The following DSCAM variants were observed in gnomAD, a reference collection of about 807,000 sequenced individuals.
The protein encoded by DSCAM is cell adhesion molecule DSCAM.
Under a neutral mutation model 217.7 loss-of-function variants are expected in DSCAM, and 47 were observed. The ratio of observed to expected loss-of-function variants is 0.22; its 90% CI spans 0.17 to 0.28. DSCAM has a LOEUF of 0.28. Among genes scored for constraint, DSCAM ranks in the 10% least tolerant of loss-of-function variants. DSCAM has a pLI of 1.00. For missense variants in DSCAM, 2,080 were observed against 2,618.3 expected, an observed-to-expected ratio of 0.79 and a Z score of 4.49; for synonymous variants, 1,056 against 1,015.3, an observed-to-expected ratio of 1.04 and a Z score of -0.76.
Position 40,132,332 on chromosome 21 carries a change from G to A in DSCAM, c.3562+1522C>T, listed in dbSNP as rs552164190. 6.6e-5 allele frequency among the ~76,000 whole-genome samples: 10 copies of A among 152,224 alleles called. No individual in the cohort carries two copies. In the East Asian group the frequency reaches 1.5e-3, roughly 24 times the overall value. ...TTAGGTAAGGTGCCCAAAGACCCAC[G>A]GGCAGCAGGTGACAGAGCCAGCATT... On this transcript the variant is annotated intron_variant, in intron 19 of 32. Coordinates refer to ENST00000400454, the MANE Select transcript of DSCAM (RefSeq NM_001389.5).
chr21:40,494,954 T>C (rs532347793), intron 3 of DSCAM, among the ~76,000 whole-genome samples: 23 of 150,884 alleles, frequency 1.5e-4, no homozygotes, highest in Non-Finnish European at 2.8e-4. Context: ...AAAAAGCTAA[T>C]ATGAACAGTT....
At chr21:40,620,232 A>AAGAAAGAG (rs1188281760) in intron 3 of DSCAM, among the ~76,000 whole-genome samples, 1 of 109,244 alleles carries the variant, frequency 9.2e-6, no homozygotes, top group Admixed American at 8.4e-5. Context: ...AAGAAAAAGA[A>AAGAAAGAG]AGAAAGAGAG....
chr21:40,254,198 A>G (rs2073341460), intron 11 of DSCAM, among the ~76,000 whole-genome samples: 1 of 152,238 alleles, frequency 6.6e-6, no homozygotes, highest in South Asian at 2.1e-4. Flanking sequence ...CAGCTAAGAT[A>G]AATGACAGAG....
intron 3 of DSCAM, among the ~76,000 whole-genome samples, chr21:40,643,493 G>A (rs1194002478): frequency 6.6e-6 from 1 of 152,202 alleles, no homozygotes; most frequent in Non-Finnish European, 1.5e-5. Context: ...TACCTCCACA[G>A]GTCACCCACC....
At chr21:40,464,932 G>A (rs2075832366) in intron 3 of DSCAM, among the ~76,000 whole-genome samples, 1 of 151,944 alleles carries the variant, frequency 6.6e-6, no homozygotes, top group African/African-American at 2.4e-5. Context: ...GTAGAGATGA[G>A]GTTTCACCAC....
chr21:40,149,392 A>T (rs543017732), intron 16 of DSCAM, among the ~76,000 whole-genome samples: 1 of 140,614 alleles, frequency 7.1e-6, no homozygotes, highest in South Asian at 2.3e-4. Context: ...CACCAACACC[A>T]CTGTCACCAC....
chr21:40,304,584 T>C (rs1442280007), intron 9 of DSCAM, among the ~76,000 whole-genome samples: 1 of 152,244 alleles, frequency 6.6e-6, no homozygotes, highest in South Asian at 2.1e-4. Flanking sequence ...CCTTCCTCAC[T>C]GAATGCAATC....
chr21:40,019,521 C>T (rs991496290), intron 32 of DSCAM, among the ~76,000 whole-genome samples: 3 of 152,226 alleles, frequency 2.0e-5, no homozygotes, highest in Admixed American at 2.0e-4. Context: ...TCTGTTTCCA[C>T]AGGGAGCAGG....
intron 18 of DSCAM, among the ~76,000 whole-genome samples, chr21:40,134,316 A>G (rs1777391898): frequency 6.6e-6 from 1 of 151,966 alleles, no homozygotes; most frequent in South Asian, 2.1e-4. Flanking sequence ...GCTGCCACTC[A>G]CCCTTCAGCA....
intron 29 of DSCAM, among the ~76,000 whole-genome samples, chr21:40,054,197 A>G (rs908628419): frequency 6.6e-6 from 1 of 152,228 alleles, no homozygotes; most frequent in African/African-American, 2.4e-5. Context: ...AAAGCAAAAC[A>G]TAGTAGCTTA....
intron 4 of DSCAM, among the ~76,000 whole-genome samples, chr21:40,356,038 T>C (rs1209547784): frequency 6.6e-6 from 1 of 152,206 alleles, no homozygotes; most frequent in Non-Finnish European, 1.5e-5. Flanking sequence ...CATGTGTGTA[T>C]ATGTATATCA....
chr21:40,729,276 T>C (rs2090988700), intron 1 of DSCAM, among the ~76,000 whole-genome samples: 1 of 152,216 alleles, frequency 6.6e-6, no homozygotes, highest in Non-Finnish European at 1.5e-5. Context: ...GATTTGGTGC[T>C]AGGTTGTCAG....
chr21:40,102,765 T>G (rs1009941378), intron 20 of DSCAM, among the ~76,000 whole-genome samples: 9 of 152,252 alleles, frequency 5.9e-5, no homozygotes, highest in Non-Finnish European at 1.0e-4. Context: ...TCACATTACT[T>G]AGCTTGTAGC....
At chr21:40,454,307 T>C (rs2075745879) in intron 3 of DSCAM, among the ~76,000 whole-genome samples, 1 of 152,210 alleles carries the variant, frequency 6.6e-6, no homozygotes, top group Non-Finnish European at 1.5e-5. Context: ...CCATAACATG[T>C]GCTCTGAGTT....
chr21:40,731,534 G>A (rs2091010889), intron 1 of DSCAM, among the ~76,000 whole-genome samples: 1 of 152,128 alleles, frequency 6.6e-6, no homozygotes, highest in Non-Finnish European at 1.5e-5. Context: ...AGAAGTTCAA[G>A]TTTGCAGTAT....
At chr21:40,796,550 A>G (rs768499243) in intron 1 of DSCAM, among the ~76,000 whole-genome samples, 4 of 152,206 alleles carry the variant, frequency 2.6e-5, no homozygotes, top group Non-Finnish European at 5.9e-5. Flanking sequence ...CACTAAGCAT[A>G]CATGCACTAT....
intron 11 of DSCAM, among the ~76,000 whole-genome samples, chr21:40,255,372 A>G (rs1412376678): frequency 6.6e-6 from 1 of 152,214 alleles, no homozygotes; most frequent in East Asian, 1.9e-4. Flanking sequence ...GTGAGTCTAT[A>G]AAAGACTTAA....
chr21:40,551,872 C>G (rs1018591451), intron 3 of DSCAM, among the ~76,000 whole-genome samples: 2 of 152,198 alleles, frequency 1.3e-5, no homozygotes, highest in Non-Finnish European at 2.9e-5. Flanking sequence ...CTGTTCCTGT[C>G]ATGGCCTGAA....
At chr21:40,365,389 C>T (rs181541100) in intron 4 of DSCAM, among the ~76,000 whole-genome samples, 18 of 152,280 alleles carry the variant, frequency 1.2e-4, no homozygotes, top group Admixed American at 8.5e-4. Context: ...AACTTTTAGA[C>T]GCTTGGACCT....
Sources: gnomAD v4.1 joint callset for allele counts (sites outside exome capture counted in the v4.1 genomes callset) on GRCh38, gnomAD v4.1.1 for gene constraint, MANE v1.5 for transcripts, NCBI Gene and HGNC (gene_info 2026-07-23, HGNC 2026-07-21) for gene names.